Variants in RIMS3 observed in about 807,000 individuals in gnomAD.
RIMS3 encodes the protein regulating synaptic membrane exocytosis 3.
A neutral mutation model predicts 29.2 loss-of-function variants in RIMS3; 15 were observed. The observed-to-expected ratio is 0.51, with a 90% CI of 0.34 to 0.79. RIMS3 has a LOEUF of 0.79. Ranked by LOEUF, RIMS3 falls within the 30% of genes least tolerant of loss-of-function variation. The pLI is 0.01. For missense variants in RIMS3, 342 were observed against 421.4 expected (o/e 0.81, Z 1.65); for synonymous variants, 161 against 170.1 (o/e 0.95, Z 0.41).
At chr1:40,684,687 G>A in the RIMS3 span, among the ~76,000 whole-genome samples, 2 of 152,048 alleles carry the variant, frequency 1.3e-5, no homozygotes, top group Non-Finnish European at 2.9e-5. Context: ...GCACCCACTT[G>A]GCCATGGAGA....
At chr1:40,647,983 C>T (rs1646606419) in intron 1 of RIMS3, 141 bp from the exon 2 acceptor site, 1 of 152,146 alleles carries the variant, frequency 6.6e-6, no homozygotes, top group East Asian at 1.9e-4. Flanking sequence ...CTTCAATTCT[C>T]CATTTCCTCT....
intron 2 of RIMS3, among the ~76,000 whole-genome samples, chr1:40,643,068 T>C (rs1180527881): frequency 6.6e-6 from 1 of 152,198 alleles, no homozygotes; most frequent in African/African-American, 2.4e-5. Flanking sequence ...AGTATTTCAG[T>C]AGAGTTACCG....
At chr1:40,678,213 T>G in the RIMS3 span, among the ~76,000 whole-genome samples, 119,397 of 152,106 alleles carry the variant, frequency 0.78, 47,482 homozygotes, top group African/African-American at 0.9. Flanking sequence ...TTCAAGACTG[T>G]CCTGGCCCAC....
At chr1:40,643,770 C>T (rs862079) in intron 2 of RIMS3, among the ~76,000 whole-genome samples, 21,464 of 152,140 alleles carry the variant, frequency 0.14, 1,723 homozygotes, top group African/African-American at 0.21. Flanking sequence ...TGAGCCACCA[C>T]GCCCAGCCTA....
chr1:40,635,657 G>A lies in RIMS3; in HGVS notation c.359+259C>T, dbSNP rs1165263103. Among the ~76,000 whole-genome samples, 1 of 152,186 alleles carries A rather than the reference G, an allele frequency of 6.6e-6. No homozygotes were observed. Among genetic ancestry groups the A allele is most frequent in the Non-Finnish European group, 1.5e-5 (1 of 68,040 alleles). On this transcript the variant is annotated intron_variant, in intron 4 of 7. Coordinates refer to ENST00000372684, the MANE Select transcript of RIMS3 (RefSeq NM_014747.3). The surrounding 1 kb of genome is among the most constrained non-coding windows in gnomAD (Gnocchi z 4.1). ...TGTGCGTGGTGGGAGGTGGGAGGTG[G>A]GAGGTAAGGGTCCCTTCCTGAAACA...
intron 1 of RIMS3, among the ~76,000 whole-genome samples, chr1:40,652,594 CGTT>C (rs1200539673): frequency 1.3e-5 from 2 of 152,136 alleles, no homozygotes; most frequent in Non-Finnish European, 2.9e-5. Context: ...AGGGAGAAAA[CGTT>C]GTGTTCAGAG....
chr1:40,685,527 A>G, the RIMS3 span, among the ~76,000 whole-genome samples: 1 of 151,868 alleles, frequency 6.6e-6, no homozygotes, highest in Non-Finnish European at 1.5e-5. Context: ...AGTTCTAAGG[A>G]AAGTTTGGCA....
In RIMS3 at chr1:40,633,170, G is replaced by A. The variant is rs763372084; in HGVS notation, c.371C>T (p.Pro124Leu). ...GCTTTCAGCCCCTAGCCGGGTAGTG[G>A]GGAAGATGAACCTGCAGGAGGAGGC... ...SNSSDGTFIF[P>L]TTRLGAESQF... The change falls in exon 5 of 8, where the codon CCC (proline) becomes CTC (leucine). Residue 124 changes from proline (P) to leucine (L), a missense_variant. By Grantham distance (98) the Pro-to-Leu change is moderately conservative (BLOSUM62 -3). Transcript: ENST00000372684. 1 of 1,613,998 alleles carries A rather than the reference G, an allele frequency of 6.2e-7. No homozygotes were observed. The highest frequency in any genetic ancestry group is 8.5e-7 in the Non-Finnish European group (1 of 1,179,866).
Position 40,623,180 on chromosome 1 carries a change from T to C in RIMS3, c.*3337A>G, listed in dbSNP as rs955953612. On this transcript the variant is annotated 3_prime_UTR_variant, in exon 8 of 8. Transcript: ENST00000372684. Reference sequence around the variant, plus strand: ...ATGAAATGCTGGCATTGCCTGGGACTTGCTGCATCCCAAGAGCCTCCTAAG... The same window carrying C: ...ATGAAATGCTGGCATTGCCTGGGACCTGCTGCATCCCAAGAGCCTCCTAAG... 27 of 377,400 alleles carry C rather than the reference T, an allele frequency of 7.2e-5. No homozygotes were observed. The highest frequency in any genetic ancestry group is 3.6e-4 in the Admixed American group (8 of 22,000). The allele number at this position is 377,400 out of a possible 1,614,324, so 23.4% of individuals were successfully genotyped here.
intron 1 of RIMS3, among the ~76,000 whole-genome samples, chr1:40,652,477 G>A (rs1642185620): frequency 6.6e-6 from 1 of 152,222 alleles, no homozygotes. Context: ...GGGGAGACCA[G>A]AAAAGGCATT....
Position 40,629,474 on chromosome 1 carries a change from C to T in RIMS3, c.473-102G>A, listed in dbSNP as rs1646476029. The T allele has an allele frequency of 4.1e-6, 4 of 968,120 alleles. No individual in the cohort carries two copies. In the African/African-American group the frequency reaches 6.4e-5, roughly 16 times the overall value. The allele number at this position is 968,120 out of a possible 1,614,324, so 60.0% of individuals were successfully genotyped here. On this transcript the variant is annotated intron_variant, in intron 5 of 7. Transcript: ENST00000372684. ...GCCTGTGGAGGAGGCTACATCATCA[C>T]TAGAAAGGGAACAAGATGGCACCAA...
intron 1 of RIMS3, among the ~76,000 whole-genome samples, chr1:40,658,000 G>C (rs1254590257): frequency 2.0e-5 from 3 of 152,170 alleles, no homozygotes; most frequent in Admixed American, 1.3e-4. Context: ...TAAATGAAAT[G>C]TGTGAACACA....
chr1:40,642,975 A>G (rs911070361), intron 2 of RIMS3, among the ~76,000 whole-genome samples: 14 of 151,596 alleles, frequency 9.2e-5, no homozygotes, highest in Non-Finnish European at 1.2e-4. Context: ...AAAAAATATT[A>G]TATCATAAGC....
chr1:40,629,379 GGAA>G lies in RIMS3; in HGVS notation c.473-10_473-8del, dbSNP rs775262785. The G allele has an allele frequency of 3.7e-6, 6 of 1,612,210 alleles. No individual in the cohort carries two copies. Among genetic ancestry groups the G allele is most frequent in the Non-Finnish European group, 5.1e-6 (6 of 1,178,378 alleles). ...ATGGCAATGTGCACATCTCCTGAAAGGAAGAAGAGGGTGAGTCCAGGCAGGGCC... is the reference window on the plus strand; with the variant it reads ...ATGGCAATGTGCACATCTCCTGAAAGGAAGAGGGTGAGTCCAGGCAGGGCC... On this transcript the variant is annotated splice_region_variant and splice_polypyrimidine_tract_variant and intron_variant, in intron 5 of 7. Transcript: ENST00000372684.
chr1:40,659,725 G>A (rs939484790), intron 1 of RIMS3, among the ~76,000 whole-genome samples: 7 of 152,220 alleles, frequency 4.6e-5, no homozygotes, highest in African/African-American at 7.2e-5. Flanking sequence ...CGGAAATGAC[G>A]TTCGAGCTGG....
chr1:40,642,836 A>T (rs1337991089), intron 2 of RIMS3, among the ~76,000 whole-genome samples: 1 of 98,960 alleles, frequency 1.0e-5, no homozygotes, highest in Non-Finnish European at 2.3e-5. Context: ...GGCACCTGTA[A>T]TCCCAACTAC....
chr1:40,684,567 A>C, the RIMS3 span, among the ~76,000 whole-genome samples: 1 of 152,170 alleles, frequency 6.6e-6, no homozygotes, highest in Non-Finnish European at 1.5e-5. Flanking sequence ...GGGCACAGCC[A>C]TGGAGTAGTG....
In RIMS3 at chr1:40,647,384, G is replaced by C. The variant is rs145589658; in HGVS notation, c.-32+284C>G. 1.1e-3 allele frequency among the ~76,000 whole-genome samples: 172 copies of C among 152,002 alleles called. 3 individuals are homozygous for C. The highest frequency in any genetic ancestry group is 4.0e-3 in the African/African-American group (166 of 41,400). On this transcript the variant is annotated intron_variant, in intron 2 of 7. Coordinates refer to ENST00000372684, the MANE Select transcript of RIMS3 (RefSeq NM_014747.3). ...CATTAACCTCTCTCTTTCCCATCAA[G>C]GTCAGACTTAGCCTCAGAGTCCCTC... is the stretch of plus-strand genomic sequence containing the variant.
At chr1:40,626,782 G>C in intron 7 of RIMS3, 53 bp from the exon 8 acceptor site, 1 of 1,550,736 alleles carries the variant, frequency 6.4e-7, no homozygotes, top group Non-Finnish European at 8.9e-7. Flanking sequence ...CTCCAGGACT[G>C]TGCAGCAGGC....
Sources: allele counts gnomAD v4.1 joint callset (sites outside exome capture counted in the v4.1 genomes callset), GRCh38; gene constraint gnomAD v4.1.1; non-coding constraint Gnocchi (gnomAD v3.1); transcripts MANE v1.5; gene names NCBI Gene and HGNC (gene_info 2026-07-23, HGNC 2026-07-21).